Variants in OXR1 observed in about 807,000 individuals in gnomAD.
OXR1 encodes the protein oxidation resistance protein 1.
A neutral mutation model predicts 104.6 loss-of-function variants in OXR1; 41 were observed. The ratio of observed to expected loss-of-function variants is 0.39; its 90% CI spans 0.31 to 0.51. OXR1 has a LOEUF of 0.51. Among genes scored for constraint, OXR1 ranks in the 20% least tolerant of loss-of-function variants. OXR1 has a pLI of 0.77. For missense variants in OXR1, 955 were observed against 1,031.9 expected (o/e 0.93, Z 1.02); for synonymous variants, 348 against 348.4 (o/e 1.00, Z 0.01).
chr8:106,425,833 TGG>T (rs1427585054), intron 2 of OXR1, among the ~76,000 whole-genome samples: 1 of 152,116 alleles, frequency 6.6e-6, no homozygotes. Flanking sequence ...TCAATAAACA[TGG>T]GGTAGGTTAT....
intron 1 of OXR1, among the ~76,000 whole-genome samples, chr8:106,344,290 C>A (rs530266147): frequency 1.3e-5 from 2 of 152,280 alleles, no homozygotes; most frequent in Admixed American, 1.3e-4. Context: ...CCACAGGGAT[C>A]AGGGTACAAA....
intron 1 of OXR1, among the ~76,000 whole-genome samples, chr8:106,299,746 G>A (rs763531603): frequency 6.6e-6 from 1 of 152,150 alleles, no homozygotes; most frequent in Non-Finnish European, 1.5e-5. Context: ...CAGGCACCTT[G>A]CCGCATGCTT....
At chr8:106,380,167 A>G (rs566708054) in intron 2 of OXR1, among the ~76,000 whole-genome samples, 4 of 149,994 alleles carry the variant, frequency 2.7e-5, no homozygotes, top group African/African-American at 7.6e-5. Flanking sequence ...TTCTGTCTCT[A>G]TGGATTTGCT....
At chr8:106,725,270 G>T (rs953791227) in intron 11 of OXR1, among the ~76,000 whole-genome samples, 9 of 152,042 alleles carry the variant, frequency 5.9e-5, no homozygotes, top group African/African-American at 2.2e-4. Flanking sequence ...TGGGGGTTTG[G>T]TTGGGATGCA....
At chr8:106,690,004 A>G (rs749697701) in intron 6 of OXR1, among the ~76,000 whole-genome samples, 1 of 151,382 alleles carries the variant, frequency 6.6e-6, no homozygotes, top group Non-Finnish European at 1.5e-5. Flanking sequence ...CTCTGTGCAT[A>G]TATAGAATAT....
chr8:106,694,500 GT>G lies in OXR1; in HGVS notation c.675+1628del, dbSNP rs1362555752. ...ATATATATATTTGATATATAAATAT[GT>G]TTTTATATATATTTGATATATAAAT... On this transcript the variant is annotated intron_variant, in intron 7 of 16. Coordinates refer to ENST00000517566, the MANE Select transcript of OXR1 (RefSeq NM_001198533.2). Among the ~76,000 whole-genome samples the G allele has an allele frequency of 1.3e-4, 15 of 118,186 alleles. No homozygotes were observed. In the South Asian group the frequency reaches 2.3e-3, roughly 18 times the overall value. The allele number at this position is 118,186 out of a possible 152,430, so 77.5% of individuals were successfully genotyped here.
intron 2 of OXR1, among the ~76,000 whole-genome samples, chr8:106,496,697 A>G (rs1240997531): frequency 6.6e-6 from 1 of 152,248 alleles, no homozygotes; most frequent in Non-Finnish European, 1.5e-5. Context: ...CCTGGAAGCC[A>G]GGGAGCTAAT....
In OXR1 at chr8:106,745,769, C is replaced by T. The variant is rs781780997; in HGVS notation, c.2413-20C>T. 3 of 1,269,456 alleles carry T rather than the reference C, an allele frequency of 2.4e-6. No individual in the cohort carries two copies. Among genetic ancestry groups the T allele is most frequent in the East Asian group, 4.7e-5 (2 of 42,668 alleles). 78.6% of individuals were successfully genotyped at this position (1,269,456 alleles called of 1,614,324 possible). On this transcript the variant is annotated intron_variant, in intron 15 of 16. Coordinates refer to ENST00000517566, the MANE Select transcript of OXR1 (RefSeq NM_001198533.2). ...AACCATTTCATCTATATATTTAAAG[C>T]TTTTTTTAAATTTATATAGGTCTTT...
At chr8:106,338,084 T>G (rs560518599) in intron 1 of OXR1, among the ~76,000 whole-genome samples, 1 of 152,312 alleles carries the variant, frequency 6.6e-6, no homozygotes, top group South Asian at 2.1e-4. Flanking sequence ...TGTTTTGGAC[T>G]GAGCTCCTGT....
intron 7 of OXR1, among the ~76,000 whole-genome samples, chr8:106,693,728 G>C (rs997867041): frequency 1.3e-5 from 2 of 151,978 alleles, no homozygotes; most frequent in African/African-American, 4.8e-5. Context: ...ACCGCACCCA[G>C]CCCAGAATCT....
intron 1 of OXR1, among the ~76,000 whole-genome samples, chr8:106,349,385 G>GA (rs1258100955): frequency 3.3e-5 from 5 of 151,836 alleles, no homozygotes; most frequent in African/African-American, 1.2e-4. Flanking sequence ...TAAAAAATCT[G>GA]AAAAAAATAA....
chr8:106,696,873 G>C (rs879220645), intron 7 of OXR1, among the ~76,000 whole-genome samples: 1 of 152,158 alleles, frequency 6.6e-6, no homozygotes, highest in Admixed American at 6.5e-5. Flanking sequence ...GAGAAGCCAT[G>C]AGGGCCTCTG....
intron 3 of OXR1, among the ~76,000 whole-genome samples, chr8:106,649,895 A>G (rs1322312203): frequency 1.3e-5 from 2 of 152,036 alleles, no homozygotes; most frequent in Admixed American, 6.5e-5. Flanking sequence ...ACAGGGTTTC[A>G]CTGTGTTAGC....
intron 2 of OXR1, among the ~76,000 whole-genome samples, chr8:106,466,338 C>T (rs1821168263): frequency 6.6e-6 from 1 of 151,784 alleles, no homozygotes; most frequent in Non-Finnish European, 1.5e-5. Context: ...GATTATACCA[C>T]CCAGAGTCAC....
chr8:106,541,036 A>G lies in OXR1; in HGVS notation c.220+21897A>G, dbSNP rs141330634. 1.2e-4 allele frequency among the ~76,000 whole-genome samples: 19 copies of G among 152,304 alleles called. No individual in the cohort carries two copies. In the East Asian group the frequency reaches 3.5e-3, roughly 28 times the overall value. On this transcript the variant is annotated intron_variant, in intron 3 of 16. Coordinates refer to ENST00000517566, the MANE Select transcript of OXR1 (RefSeq NM_001198533.2). ...TTTAAATCCAGGCTTACCATGTACT[A>G]TGTGATGTTGGAAAGGTCACTTAAT...
chr8:106,748,719 C>A (rs141219194), intron 16 of OXR1, among the ~76,000 whole-genome samples: 61 of 151,906 alleles, frequency 4.0e-4, no homozygotes, highest in Admixed American at 7.9e-4. Context: ...CAGGCGCCCA[C>A]CACCACGCCT....
intron 1 of OXR1, among the ~76,000 whole-genome samples, chr8:106,274,509 C>CCAATCA (rs1341161258): frequency 6.6e-6 from 1 of 152,088 alleles, no homozygotes; most frequent in African/African-American, 2.4e-5. Flanking sequence ...AATAACTATT[C>CCAATCA]CAATCACCCT....
At chr8:106,547,693 A>G (rs146611654) in intron 3 of OXR1, among the ~76,000 whole-genome samples, 141 of 152,108 alleles carry the variant, frequency 9.3e-4, no homozygotes, top group Admixed American at 2.8e-3. Context: ...AGGTTTCACC[A>G]TGTTGGCCAG....
intron 11 of OXR1, among the ~76,000 whole-genome samples, chr8:106,732,318 A>G (rs1833963601): frequency 6.6e-6 from 1 of 152,134 alleles, no homozygotes; most frequent in Admixed American, 6.6e-5. Context: ...CTGCTAACAA[A>G]GACAGTTTTA....
Sources: gnomAD v4.1 joint callset for allele counts (sites outside exome capture counted in the v4.1 genomes callset) on GRCh38, gnomAD v4.1.1 for gene constraint, MANE v1.5 for transcripts, NCBI Gene and HGNC (gene_info 2026-07-23, HGNC 2026-07-21) for gene names.